Variants in TAFA1 observed in about 807,000 individuals in gnomAD.
TAFA1 encodes chemokine-like protein TAFA-1.
TAFA1 carries 4 observed loss-of-function variants against 18.5 expected under a neutral mutation model. That is an observed-to-expected ratio of 0.22 (90% CI 0.11 to 0.49). The LOEUF (loss-of-function observed/expected upper bound fraction) is 0.49. Among genes scored for constraint, TAFA1 ranks in the 20% least tolerant of loss-of-function variants. The pLI is 0.98. For synonymous variants in TAFA1, 56 were observed against 55.2 expected (o/e 1.01, Z -0.06); for missense variants, 147 against 169.0 (o/e 0.87, Z 0.72).
chr3:68,179,891 A>G (rs2066173764), intron 2 of TAFA1, among the ~76,000 whole-genome samples: 1 of 151,950 alleles, frequency 6.6e-6, no homozygotes, highest in African/African-American at 2.4e-5. Flanking sequence ...ATTTATTTGT[A>G]TGTATGCTTG....
At chr3:68,422,138 C>T (rs936995891) in intron 3 of TAFA1, among the ~76,000 whole-genome samples, 3 of 152,074 alleles carry the variant, frequency 2.0e-5, no homozygotes, top group Non-Finnish European at 4.4e-5. Flanking sequence ...AACTAAAATG[C>T]TGTAGCAAAG....
intron 2 of TAFA1, among the ~76,000 whole-genome samples, chr3:68,227,671 T>C (rs1395551579): frequency 6.6e-6 from 1 of 152,222 alleles, no homozygotes; most frequent in Non-Finnish European, 1.5e-5. Context: ...TGACCACTTA[T>C]ATATTATGGA....
chr3:68,476,045 A>C (rs1337171363), intron 3 of TAFA1, among the ~76,000 whole-genome samples: 1 of 152,082 alleles, frequency 6.6e-6, no homozygotes, highest in African/African-American at 2.4e-5. Flanking sequence ...AGTTCATTGT[A>C]GATTCTGGAT....
chr3:68,040,521 AGAGAATGTAATTT>A (rs1261036284), intron 2 of TAFA1, among the ~76,000 whole-genome samples: 2 of 152,286 alleles, frequency 1.3e-5, no homozygotes, highest in East Asian at 3.9e-4. Flanking sequence ...TACCGACTAA[AGAGAATGTAATTT>A]TTCCTGGTGC....
At chr3:68,068,545 C>A (rs1470302073) in intron 2 of TAFA1, among the ~76,000 whole-genome samples, 2 of 152,166 alleles carry the variant, frequency 1.3e-5, no homozygotes, top group Admixed American at 6.6e-5. Context: ...CCACTATTCT[C>A]AGGAATAGAA....
intron 2 of TAFA1, among the ~76,000 whole-genome samples, chr3:68,071,568 G>A (rs1417395701): frequency 6.6e-6 from 1 of 152,170 alleles, no homozygotes; most frequent in Non-Finnish European, 1.5e-5. Flanking sequence ...CTGGAGCCAG[G>A]GAGCTCCAGC....
rs144083778 is a variant in TAFA1, at chr3:68,067,306, A to G, written c.118+60562A>G. 2.4e-3 allele frequency among the ~76,000 whole-genome samples: 363 copies of G among 152,010 alleles called. 10 individuals are homozygous for G. In the East Asian group the frequency reaches 0.05, roughly 21 times the overall value. On this transcript the variant is annotated intron_variant, in intron 2 of 4. Transcript: ENST00000478136. ...CTTCTTAATCTTCTCCAGGTTAAACACTCCCATTCCTTCATCATTTTTTCA... is the reference window on the plus strand; with the variant it reads ...CTTCTTAATCTTCTCCAGGTTAAACGCTCCCATTCCTTCATCATTTTTTCA...
chr3:68,144,012 T>C lies in TAFA1; in HGVS notation c.118+137268T>C, dbSNP rs77870266. 5.8e-4 allele frequency among the ~76,000 whole-genome samples: 88 copies of C among 152,102 alleles called. 2 individuals carry two copies. In the East Asian group the frequency reaches 0.015, roughly 26 times the overall value. On this transcript the variant is annotated intron_variant, in intron 2 of 4. Coordinates refer to ENST00000478136, the MANE Select transcript of TAFA1 (RefSeq NM_213609.4). ...TTTTTTTTTTTCTTTTTTTAAGTTC[T>C]TTTTGTTTTTGAGAAAACTTGGCAG...
At chr3:68,337,826 C>T (rs2069000745) in intron 2 of TAFA1, among the ~76,000 whole-genome samples, 2 of 152,130 alleles carry the variant, frequency 1.3e-5, no homozygotes, top group African/African-American at 2.4e-5. Flanking sequence ...GGTACACATC[C>T]ACCTAAACTT....
intron 3 of TAFA1, among the ~76,000 whole-genome samples, chr3:68,507,699 A>G (rs1391199634): frequency 1.3e-5 from 2 of 152,116 alleles, no homozygotes; most frequent in South Asian, 2.1e-4. Context: ...GGTTCTTAGC[A>G]TATCTCACTG....
chr3:68,237,689 T>A (rs564545036), intron 2 of TAFA1, among the ~76,000 whole-genome samples: 7 of 152,338 alleles, frequency 4.6e-5, no homozygotes, highest in Non-Finnish European at 8.8e-5. Flanking sequence ...TATTGGTTTT[T>A]GTTCAATTAC....
At chr3:68,185,906 A>AAAATAAATAAAT (rs10580284) in intron 2 of TAFA1, among the ~76,000 whole-genome samples, 2 of 149,796 alleles carry the variant, frequency 1.3e-5, no homozygotes, top group African/African-American at 2.5e-5. Flanking sequence ...TGTCTCAAAT[A>AAAATAAATAAAT]AAATAAATAA....
chr3:68,064,583 GC>G (rs1182864100), intron 2 of TAFA1, among the ~76,000 whole-genome samples: 2 of 152,150 alleles, frequency 1.3e-5, no homozygotes, highest in African/African-American at 4.8e-5. Context: ...ATTAACATTT[GC>G]ACGGTAATCC....
In TAFA1 at chr3:68,077,546, C is replaced by T. The variant is rs2064842048; in HGVS notation, c.118+70802C>T. ...ACATATGGCTAGCCAGTTTTCCCAG[C>T]ACCATTTATTAAATAAGGAATCCTT... On this transcript the variant is annotated intron_variant, in intron 2 of 4. Coordinates refer to ENST00000478136, the MANE Select transcript of TAFA1 (RefSeq NM_213609.4). Among the ~76,000 whole-genome samples, 3 of 150,494 alleles carry T rather than the reference C, an allele frequency of 2.0e-5. No individual in the cohort carries two copies. In the South Asian group the frequency reaches 6.4e-4, roughly 32 times the overall value.
intron 2 of TAFA1, among the ~76,000 whole-genome samples, chr3:68,332,468 A>G (rs2068897626): frequency 6.6e-6 from 1 of 152,236 alleles, no homozygotes; most frequent in African/African-American, 2.4e-5. Context: ...CAACAAAATG[A>G]AAGGCAACCT....
chr3:68,307,430 A>G (rs1446233140), intron 2 of TAFA1, among the ~76,000 whole-genome samples: 1 of 152,214 alleles, frequency 6.6e-6, no homozygotes, highest in Non-Finnish European at 1.5e-5. Context: ...AATACAGACT[A>G]GCTCCAAATT....
chr3:68,249,455 C>A (rs752478048), intron 2 of TAFA1, among the ~76,000 whole-genome samples: 126 of 152,116 alleles, frequency 8.3e-4, no homozygotes, highest in Non-Finnish European at 1.4e-3. Flanking sequence ...GCGTCACTGA[C>A]AAAATCACAA....
intron 2 of TAFA1, among the ~76,000 whole-genome samples, chr3:68,120,999 A>G (rs2065391726): frequency 6.6e-6 from 1 of 152,170 alleles, no homozygotes; most frequent in Admixed American, 6.5e-5. Flanking sequence ...CTAAATCACA[A>G]ATTCAATTCC....
In TAFA1 at chr3:68,544,592, T is replaced by A; in HGVS notation, c.*89T>A. The A allele has an allele frequency of 3.0e-6, 4 of 1,354,986 alleles. No homozygotes were observed. In the South Asian group the frequency reaches 4.9e-5, roughly 17 times the overall value. 83.9% of individuals were successfully genotyped at this position (1,354,986 alleles called of 1,614,324 possible). On this transcript the variant is annotated 3_prime_UTR_variant, in exon 5 of 5. Transcript: ENST00000478136. ...ACATCTCACATATATACAAGCCAAA[T>A]GGATTTCTTACTTGCACTTTGACTG...
Sources: allele counts gnomAD v4.1 joint callset (sites outside exome capture counted in the v4.1 genomes callset), GRCh38; gene constraint gnomAD v4.1.1; transcripts MANE v1.5; gene names NCBI Gene and HGNC (gene_info 2026-07-23, HGNC 2026-07-21).